The following KLHDC10 variants were observed in gnomAD, a reference collection of about 807,000 sequenced individuals.
The protein encoded by KLHDC10 is kelch domain containing 10, also known as kelch domain-containing protein 10.
In KLHDC10, 24 loss-of-function variants were observed where a neutral mutation model predicts 56.1. The ratio of observed to expected loss-of-function variants is 0.43; its 90% confidence interval spans 0.31 to 0.60. The LOEUF (loss-of-function observed/expected upper bound fraction) is 0.60. KLHDC10 is among the 20% of genes least tolerant of loss of function. The probability of loss-of-function intolerance (pLI) is 0.11; values close to 1 mark genes in which losing one functional copy is unlikely to be tolerated. For synonymous variants in KLHDC10, 188 were observed against 207.1 expected (o/e 0.91, Z 0.79); for missense variants, 349 against 567.0 (o/e 0.62, Z 3.91).
intron 5 of KLHDC10, among the ~76,000 whole-genome samples, chr7:130,123,542 C>T (rs1177290675): frequency 1.3e-5 from 2 of 151,340 alleles, no homozygotes; most frequent in Non-Finnish European, 2.9e-5. Context: ...AGTTTGAAAG[C>T]AAAGACAGTA....
At chr7:130,094,208 G>A (rs373760071) in intron 1 of KLHDC10, among the ~76,000 whole-genome samples, 2 of 152,148 alleles carry the variant, frequency 1.3e-5, no homozygotes, top group Admixed American at 6.5e-5. Context: ...TTACAGGTGT[G>A]AGCCACCACG....
chr7:130,087,261 C>T (rs1391143127), intron 1 of KLHDC10, among the ~76,000 whole-genome samples: 3 of 152,128 alleles, frequency 2.0e-5, no homozygotes, highest in Non-Finnish European at 2.9e-5. Flanking sequence ...TTTGCTATTC[C>T]TAGTCTTACT....
At chr7:130,128,889 AATATATAT>A (rs1554468213) in intron 8 of KLHDC10, among the ~76,000 whole-genome samples, 30 of 66,930 alleles carry the variant, frequency 4.5e-4, no homozygotes, top group African/African-American at 9.5e-4. Context: ...AAAAAAAAAA[AATATATAT>A]ATATATATAT....
rs751996816 is a variant in KLHDC10, at chr7:130,070,763, C to T, written c.120C>T (p.Gly40=). 6.9e-6 allele frequency: 9 copies of T among 1,307,616 alleles called. No individual in the cohort carries two copies. The African/African-American group carries it at 1.2e-4, about 18-fold the overall frequency. 81.0% of individuals were successfully genotyped at this position (1,307,616 alleles called of 1,614,324 possible). ...GGGGCAGCGGGGGTCGGGGGACTGGCCAGCTCAACCGCTTCGTGCAACTCT... is the reference window on the plus strand; with the variant it reads ...GGGGCAGCGGGGGTCGGGGGACTGGTCAGCTCAACCGCTTCGTGCAACTCT... ...GSGGSGGRGT[G]QLNRFVQLSG... Residue 40 remains glycine (G), a synonymous_variant, in exon 1 of 10, where the codon GGC becomes GGT. Coordinates refer to ENST00000335420, the MANE Select transcript of KLHDC10 (RefSeq NM_014997.4).
chr7:130,122,066 A>T lies in KLHDC10; in HGVS notation c.643A>T (p.Ile215Phe). Reference protein sequence around the residue: ...SRIYGQAMAIINGSLYVFGGT... With the variant: ...SRIYGQAMAIFNGSLYVFGGT... The stretch of plus-strand genomic sequence containing the variant: ...CCTTGTTATCCAGGCTATGGCCATC[A>T]TCAATGGCTCCCTTTATGTCTTTGG... The change falls in exon 5 of 10, where the codon ATC (isoleucine) becomes TTC (phenylalanine). Residue 215 changes from isoleucine (I) to phenylalanine (F), a missense_variant. By Grantham distance (21) the Ile-to-Phe change is conservative (BLOSUM62 0). Around this residue, in one of 2 missense-constraint regions of KLHDC10, gnomAD observed 245 missense variants for 470.1 expected, o/e 0.52. Transcript: ENST00000335420. 6.2e-7 allele frequency: 1 copy of T among 1,613,548 alleles called. No homozygotes were observed. Among genetic ancestry groups the T allele is most frequent in the Non-Finnish European group, 8.5e-7 (1 of 1,179,784 alleles).
chr7:130,126,804 G>A (rs1192176616), intron 7 of KLHDC10, among the ~76,000 whole-genome samples: 1 of 151,842 alleles, frequency 6.6e-6, no homozygotes, highest in Non-Finnish European at 1.5e-5. Flanking sequence ...AAATATGGGT[G>A]ATATAAGAAA....
rs572850295 is a variant in KLHDC10, at chr7:130,122,932, C to T, written c.779+730C>T. Among the ~76,000 whole-genome samples, 401 of 152,202 alleles carry T rather than the reference C, an allele frequency of 2.6e-3. 4 individuals are homozygous for T. The highest frequency in any genetic ancestry group is 5.4e-3 in the Admixed American group (82 of 15,282). On this transcript the variant is annotated intron_variant, in intron 5 of 9. Coordinates refer to ENST00000335420, the MANE Select transcript of KLHDC10 (RefSeq NM_014997.4). ...CTTCAATACAGGGCACAGGGCCATC[C>T]CCACAGTGATGCCCAGTGAATGTTG...
intron 2 of KLHDC10, among the ~76,000 whole-genome samples, chr7:130,114,073 C>T (rs1286680165): frequency 6.6e-6 from 1 of 152,200 alleles, no homozygotes; most frequent in Non-Finnish European, 1.5e-5. Context: ...CTGTTTTAAT[C>T]TTCCCTGTCG....
At chr7:130,119,464 A>G (rs1251078847) in intron 3 of KLHDC10, among the ~76,000 whole-genome samples, 1 of 149,330 alleles carries the variant, frequency 6.7e-6, no homozygotes, top group Non-Finnish European at 1.5e-5. Flanking sequence ...GTAAGCCGTG[A>G]TCGTGTCACT....
intron 4 of KLHDC10, among the ~76,000 whole-genome samples, chr7:130,121,415 C>G (rs944544879): frequency 2.6e-4 from 40 of 152,298 alleles, no homozygotes; most frequent in Middle Eastern, 3.4e-3. Context: ...AGCAACCCAC[C>G]ATACATCAGA....
intron 1 of KLHDC10, among the ~76,000 whole-genome samples, chr7:130,077,970 A>G (rs1795539022): frequency 6.6e-6 from 1 of 152,302 alleles, no homozygotes; most frequent in Non-Finnish European, 1.5e-5. Context: ...ATTATCTATA[A>G]TAGTTTCCCA....
At chr7:130,106,337 GT>G (rs1179292446) in intron 2 of KLHDC10, among the ~76,000 whole-genome samples, 2 of 152,036 alleles carry the variant, frequency 1.3e-5, no homozygotes, top group African/African-American at 4.8e-5. Flanking sequence ...AAAAATAAAA[GT>G]TTGTTTTTCA....
chr7:130,112,700 G>A (rs1239699036), intron 2 of KLHDC10, among the ~76,000 whole-genome samples: 1 of 152,184 alleles, frequency 6.6e-6, no homozygotes, highest in Non-Finnish European at 1.5e-5. Context: ...AAAATGGAAT[G>A]GCTTTTTAAT....
chr7:130,124,481 G>A lies in KLHDC10; in HGVS notation c.810G>A (p.Gln270=). 1 of 1,605,090 alleles carries A rather than the reference G, an allele frequency of 6.2e-7. No homozygotes were observed. Among genetic ancestry groups the A allele is most frequent in the East Asian group, 2.2e-5 (1 of 44,820 alleles). The change falls in exon 6 of 10, where the codon CAG becomes CAA. Residue 270 remains glutamine (Q), a synonymous_variant. Coordinates refer to ENST00000335420, the MANE Select transcript of KLHDC10 (RefSeq NM_014997.4). ...RYRHEIAHDG[Q]RIYILGGGTS... ...GACATGAAATTGCACATGACGGGCA[G>A]AGGATTTACATCTTGGGAGGTGGTA... is the stretch of plus-strand genomic sequence containing the variant.
In KLHDC10 at chr7:130,135,120, T is replaced by C. The variant is rs1427285053; in HGVS notation, c.*4374T>C. On this transcript the variant is annotated 3_prime_UTR_variant, in exon 10 of 10. Coordinates refer to ENST00000335420, the MANE Select transcript of KLHDC10 (RefSeq NM_014997.4). ...AAAAAAAAAAAAAAAAAACAACTTT[T>C]TATAAGTTTTTTAAGGGCCCTGCTT... 1.3e-5 allele frequency: 2 copies of C among 151,448 alleles called. No individual in the cohort carries two copies. Among genetic ancestry groups the C allele is most frequent in the Admixed American group, 1.3e-4 (2 of 15,234 alleles). The allele number at this position is 151,448 out of a possible 1,614,324, so 9.4% of individuals were successfully genotyped here. A position where few individuals can be genotyped will look rare whatever the true frequency, so the allele number is the denominator to read the frequency against.
chr7:130,126,865 A>G (rs1796323040), intron 7 of KLHDC10, among the ~76,000 whole-genome samples: 1 of 151,752 alleles, frequency 6.6e-6, no homozygotes, highest in Non-Finnish European at 1.5e-5. Context: ...TCATGCCTAT[A>G]ATCCCAGCAC....
At chr7:130,103,716 G>A (rs923615839) in intron 2 of KLHDC10, among the ~76,000 whole-genome samples, 1 of 152,020 alleles carries the variant, frequency 6.6e-6, no homozygotes, top group South Asian at 2.1e-4. Flanking sequence ...ATGTTTAAGT[G>A]GGGGGGTCAA....
At chr7:130,096,257 ATTAAT>A (rs1795846099) in intron 1 of KLHDC10, among the ~76,000 whole-genome samples, 1 of 152,170 alleles carries the variant, frequency 6.6e-6, no homozygotes, top group African/African-American at 2.4e-5. Flanking sequence ...TAATAGTTCC[ATTAAT>A]TTAATTAGGT....
rs189849645 is a variant in KLHDC10 at position 130,106,036 on chromosome 7, C to T, written c.253+9029C>T. Among the ~76,000 whole-genome samples the T allele has an allele frequency of 6.4e-3, 977 of 152,190 alleles. 10 individuals are homozygous for T. The highest frequency in any genetic ancestry group is 0.022 in the African/African-American group (903 of 41,502). The stretch of plus-strand genomic sequence containing the variant: ...TGGTGGTGCATGCCTGTAATCCTGG[C>T]TACTCGGGAGACTGAGACAGGAGAA... On this transcript the variant is annotated intron_variant, in intron 2 of 9. Coordinates refer to ENST00000335420, the MANE Select transcript of KLHDC10 (RefSeq NM_014997.4).
Sources: allele counts gnomAD v4.1 joint callset (sites outside exome capture counted in the v4.1 genomes callset), GRCh38; gene constraint gnomAD v4.1.1; regional missense constraint gnomAD v4.1.1; transcripts MANE v1.5; gene names NCBI Gene and HGNC (gene_info 2026-07-23, HGNC 2026-07-21).